Variants in AGMO observed in about 807,000 individuals in gnomAD.
AGMO encodes the protein alkylglycerol monooxygenase.
In AGMO, 75 loss-of-function variants were observed where a neutral mutation model predicts 60.2. The observed-to-expected ratio is 1.25, with a 90% CI of 1.03 to 1.51. The LOEUF is 1.51. Among genes scored for constraint, AGMO ranks in the 40% most tolerant of loss-of-function variants. AGMO has a pLI of 0.00. For missense variants in AGMO, 763 were observed against 525.5 expected (o/e 1.45, Z -4.42); for synonymous variants, 261 against 177.1 (o/e 1.47, Z -3.76).
chr7:15,339,526 C>G (rs1400454744), intron 12 of AGMO, among the ~76,000 whole-genome samples: 1 of 152,164 alleles, frequency 6.6e-6, no homozygotes, highest in Non-Finnish European at 1.5e-5. Flanking sequence ...CTGCTCCAAA[C>G]TTTGTCAATT....
At chr7:15,492,719 A>G (rs1783100254) in intron 3 of AGMO, among the ~76,000 whole-genome samples, 1 of 152,040 alleles carries the variant, frequency 6.6e-6, no homozygotes, top group South Asian at 2.1e-4. Flanking sequence ...AGTGCTTGAG[A>G]CTTAGATGGT....
At chr7:15,514,354 T>C (rs1357435514) in intron 3 of AGMO, among the ~76,000 whole-genome samples, 3 of 152,202 alleles carry the variant, frequency 2.0e-5, no homozygotes, top group Non-Finnish European at 2.9e-5. Flanking sequence ...ATACTTGTTA[T>C]ATATGTGAAT....
Position 15,262,701 on chromosome 7 carries a change from T to G in AGMO, c.1264-61342A>C, listed in dbSNP as rs531918507. Among the ~76,000 whole-genome samples the G allele has an allele frequency of 9.9e-5, 15 of 151,738 alleles. No homozygotes were observed. The East Asian group carries it at 2.9e-3, about 29-fold the overall frequency. On this transcript the variant is annotated intron_variant, in intron 12 of 12. Transcript: ENST00000342526. ...ACAAATCTGGAGGCATCACTTTACC[T>G]GATGTTATACTATAAGGCCCATAAA...
At chr7:15,253,712 T>G (rs1312350125) in intron 12 of AGMO, among the ~76,000 whole-genome samples, 1 of 152,082 alleles carries the variant, frequency 6.6e-6, no homozygotes, top group Admixed American at 6.6e-5. Context: ...TACTGAAAAT[T>G]CTCTCTTCTA....
chr7:15,270,328 G>A (rs1399983984), intron 12 of AGMO, among the ~76,000 whole-genome samples: 4 of 151,942 alleles, frequency 2.6e-5, no homozygotes, highest in African/African-American at 7.3e-5. Flanking sequence ...TGAATGGTAT[G>A]AGATGATATC....
At chr7:15,129,601 C>A in the AGMO span, among the ~76,000 whole-genome samples, 1 of 152,036 alleles carries the variant, frequency 6.6e-6, no homozygotes, top group African/African-American at 2.4e-5. Context: ...TCTTTAAAGA[C>A]AACAGCTCTC....
At chr7:15,346,067 G>A (rs954748584) in intron 12 of AGMO, among the ~76,000 whole-genome samples, 4 of 152,086 alleles carry the variant, frequency 2.6e-5, no homozygotes, top group African/African-American at 4.8e-5. Context: ...TCTGCTGTTA[G>A]TATCAAGAAA....
chr7:15,197,253 G>T (rs1031917184), downstream of AGMO, among the ~76,000 whole-genome samples: 3 of 151,972 alleles, frequency 2.0e-5, no homozygotes, highest in African/African-American at 7.3e-5. Context: ...ATTTTCTATT[G>T]TTCTCCCGAA....
At chr7:15,155,269 A>AGGTTTTGCTGGAGGT in the AGMO span, among the ~76,000 whole-genome samples, 4 of 151,790 alleles carry the variant, frequency 2.6e-5, no homozygotes. Flanking sequence ...ACATAATCCT[A>AGGTTTTGCTGGAGGT]TATTTCCTGG....
Position 15,465,603 on chromosome 7 carries a change from T to TTA in AGMO, c.410-34497_410-34496dup, listed in dbSNP as rs1166291439. 4.0e-3 allele frequency among the ~76,000 whole-genome samples: 502 copies of TTA among 125,844 alleles called. 4 individuals carry two copies. The highest frequency in any genetic ancestry group is 0.02 in the Middle Eastern group (5 of 244). The allele number at this position is 125,844 out of a possible 152,430, so 82.6% of individuals were successfully genotyped here. A position where few individuals can be genotyped will look rare whatever the true frequency, so the allele number is the denominator to read the frequency against. On this transcript the variant is annotated intron_variant, in intron 3 of 12. Coordinates refer to ENST00000342526, the MANE Select transcript of AGMO (RefSeq NM_001004320.2). Reference sequence around the variant, plus strand: ...CGTCCGGCTAATTATATATATATATTTATATATATATATGATTTTTTTTTT... The same window carrying TTA: ...CGTCCGGCTAATTATATATATATATTTATATATATATATATGATTTTTTTTTT...
At chr7:15,418,460 G>T (rs771886577) in intron 5 of AGMO, 98 bp downstream of exon 5, 29 of 728,114 alleles carry the variant, frequency 4.0e-5, no homozygotes, top group Non-Finnish European at 5.2e-5. Flanking sequence ...GGCAGACAAA[G>T]ATTTTTCTTA....
intron 3 of AGMO, among the ~76,000 whole-genome samples, chr7:15,497,942 T>G (rs1783277205): frequency 6.6e-6 from 1 of 151,998 alleles, no homozygotes; most frequent in South Asian, 2.1e-4. Context: ...AACAATACTT[T>G]TATGGGCATC....
chr7:15,399,008 C>T (rs1784481463), intron 5 of AGMO, among the ~76,000 whole-genome samples: 1 of 151,972 alleles, frequency 6.6e-6, no homozygotes, highest in Admixed American at 6.5e-5. Context: ...AATGATAATT[C>T]CTTTTGTATT....
At chr7:15,223,009 C>G (rs4389823) in intron 12 of AGMO, among the ~76,000 whole-genome samples, 67,637 of 151,684 alleles carry the variant, frequency 0.45, 18,082 homozygotes, top group African/African-American at 0.76. Context: ...GTGTGCATGT[C>G]TATGATTGTG....
intron 2 of AGMO, among the ~76,000 whole-genome samples, chr7:15,548,328 C>T (rs926445867): frequency 6.8e-4 from 103 of 152,078 alleles, no homozygotes; most frequent in African/African-American, 2.4e-3. Context: ...ATGACTTTGA[C>T]GAGCTGAGAG....
At position 15,523,670 on chromosome 7, in the gene AGMO, T is replaced by C. The variant is rs1277124525; in HGVS notation, c.409+21102A>G. 5.3e-5 allele frequency among the ~76,000 whole-genome samples: 8 copies of C among 152,144 alleles called. No homozygotes were observed. The East Asian group carries it at 1.5e-3, about 29-fold the overall frequency. ...GCATAGGAAGGGGAACATCAGACAC[T>C]TGGGCCTGTCTGGTGGTGGAGTCAA... On this transcript the variant is annotated intron_variant, in intron 3 of 12. Coordinates refer to ENST00000342526, the MANE Select transcript of AGMO (RefSeq NM_001004320.2).
At chr7:15,145,140 A>C in the AGMO span, among the ~76,000 whole-genome samples, 7 of 152,224 alleles carry the variant, frequency 4.6e-5, no homozygotes, top group East Asian at 1.4e-3. Flanking sequence ...CGTTAAGTTT[A>C]TTTTCATCAA....
At chr7:15,118,987 G>GA in the AGMO span, among the ~76,000 whole-genome samples, 6 of 109,256 alleles carry the variant, frequency 5.5e-5, no homozygotes, top group Non-Finnish European at 1.2e-4. Context: ...TAAGCTATTG[G>GA]GGTTTTTTTT....
At chr7:15,481,613 T>C (rs1021931241) in intron 3 of AGMO, among the ~76,000 whole-genome samples, 2 of 151,992 alleles carry the variant, frequency 1.3e-5, no homozygotes, top group Non-Finnish European at 2.9e-5. Context: ...TAGATAAATG[T>C]ATATTCAGAT....
Sources: gnomAD v4.1 joint callset for allele counts (sites outside exome capture counted in the v4.1 genomes callset) on GRCh38, gnomAD v4.1.1 for gene constraint, MANE v1.5 for transcripts, NCBI Gene and HGNC (gene_info 2026-07-23, HGNC 2026-07-21) for gene names.